Variants in LHPP observed in about 807,000 individuals in gnomAD.
The protein encoded by LHPP is hLHPP.
In LHPP, 24 loss-of-function variants were observed where a neutral mutation model predicts 30.3. The observed-to-expected ratio is 0.79, with a 90% CI of 0.57 to 1.11. LHPP has a LOEUF of 1.11. LHPP is among the 50% of genes most tolerant of loss of function. LHPP has a pLI of 0.00. For missense variants in LHPP, 356 were observed against 367.2 expected, an observed-to-expected ratio of 0.97 and a Z score of 0.25; for synonymous variants, 150 against 157.1, an observed-to-expected ratio of 0.95 and a Z score of 0.34.
In LHPP at chr10:124,612,266, C is replaced by T. The variant is rs187312073; in HGVS notation, c.717-998C>T. Among the ~76,000 whole-genome samples, 912 of 152,198 alleles carry T rather than the reference C, an allele frequency of 6.0e-3. 5 individuals are homozygous for T. Among genetic ancestry groups the T allele is most frequent in the Non-Finnish European group, 0.011 (719 of 67,988 alleles). Reference sequence around the variant, plus strand: ...ACTAAAAAATACAAAAAAAGCCGGGCGTGGTGGCGGGTGCCTGTAGTCCCA... The same window carrying T: ...ACTAAAAAATACAAAAAAAGCCGGGTGTGGTGGCGGGTGCCTGTAGTCCCA... On this transcript the variant is annotated intron_variant, in intron 6 of 6. Coordinates refer to ENST00000368842, the MANE Select transcript of LHPP (RefSeq NM_022126.4).
At chr10:124,582,592 AC>A (rs1948756533) in intron 6 of LHPP, among the ~76,000 whole-genome samples, 1 of 152,218 alleles carries the variant, frequency 6.6e-6, no homozygotes, top group African/African-American at 2.4e-5. Flanking sequence ...AACTACAGAT[AC>A]CCTGCTGTTG....
intron 6 of LHPP, among the ~76,000 whole-genome samples, chr10:124,610,774 TGC>T: frequency 1.8e-5 from 2 of 113,306 alleles, no homozygotes; most frequent in Non-Finnish European, 3.6e-5. Context: ...CGGGTGAGGG[TGC>T]TGATGGAGCG....
At chr10:124,580,778 G>A (rs1254454634) in intron 6 of LHPP, among the ~76,000 whole-genome samples, 2 of 149,500 alleles carry the variant, frequency 1.3e-5, no homozygotes, top group East Asian at 2.0e-4. Context: ...GAGTGCAATG[G>A]CACAATCTTG....
chr10:124,584,465 T>G (rs57330369), intron 6 of LHPP, among the ~76,000 whole-genome samples: 2 of 151,702 alleles, frequency 1.3e-5, no homozygotes, highest in Non-Finnish European at 2.9e-5. Context: ...GTCTGGTGAG[T>G]GCTACTCTGT....
chr10:124,554,847 G>A (rs1348317175), intron 6 of LHPP, among the ~76,000 whole-genome samples: 1 of 152,244 alleles, frequency 6.6e-6, no homozygotes, highest in Admixed American at 6.5e-5. Flanking sequence ...ACAGAATTAG[G>A]TTCTTTAACG....
chr10:124,598,702 C>CCCTTTT (rs1948984272), intron 6 of LHPP, among the ~76,000 whole-genome samples: 1 of 151,856 alleles, frequency 6.6e-6, no homozygotes, highest in Non-Finnish European at 1.5e-5. Flanking sequence ...CTGCCATCCA[C>CCCTTTT]GTGTCCATCT....
chr10:124,524,301 G>C (rs796269464), intron 6 of LHPP, among the ~76,000 whole-genome samples: 4 of 136,186 alleles, frequency 2.9e-5, no homozygotes, highest in African/African-American at 1.1e-4. Context: ...TTTTGAGACA[G>C]AGTCTCACTC....
In LHPP at chr10:124,613,603, C is replaced by T; in HGVS notation, c.*243C>T. The T allele has an allele frequency of 1.8e-6, 1 of 569,504 alleles. No homozygotes were observed. The highest frequency in any genetic ancestry group is 2.0e-5 in the South Asian group (1 of 49,872). The allele number at this position is 569,504 out of a possible 1,614,324, so 35.3% of individuals were successfully genotyped here. ...TTGTTCCCTACCTGGGTGGCCTGCT[C>T]CCCTGCCTGGGCCCTGACTTCAGCT... On this transcript the variant is annotated 3_prime_UTR_variant, in exon 7 of 7. Transcript: ENST00000368842.
chr10:124,606,326 C>T (rs932443474), intron 6 of LHPP, among the ~76,000 whole-genome samples: 20 of 152,350 alleles, frequency 1.3e-4, no homozygotes, highest in Non-Finnish European at 2.4e-4. Flanking sequence ...TCAGCCTTAA[C>T]GTCCCTGTTT....
chr10:124,518,491 G>A (rs956438829), intron 6 of LHPP, among the ~76,000 whole-genome samples: 6 of 152,234 alleles, frequency 3.9e-5, no homozygotes, highest in African/African-American at 9.6e-5. Flanking sequence ...TTGATGCCGG[G>A]TGCTGCCTGG....
intron 5 of LHPP, among the ~76,000 whole-genome samples, chr10:124,509,581 G>A (rs1404635248): frequency 6.6e-6 from 1 of 151,178 alleles, no homozygotes; most frequent in Non-Finnish European, 1.5e-5. Context: ...TTTTAAAGTG[G>A]TCTTTGAGTT....
chr10:124,597,923 C>T (rs578081738), intron 6 of LHPP, among the ~76,000 whole-genome samples: 14 of 152,334 alleles, frequency 9.2e-5, no homozygotes, highest in South Asian at 4.1e-4. Flanking sequence ...CAAGGCCCTA[C>T]GCCCAGGCCC....
intron 1 of LHPP, among the ~76,000 whole-genome samples, chr10:124,464,448 T>C (rs1321585891): frequency 6.6e-6 from 1 of 152,092 alleles, no homozygotes; most frequent in East Asian, 1.9e-4. Context: ...CCGGAGGTGT[T>C]TGGGAGGCTG....
intron 6 of LHPP, among the ~76,000 whole-genome samples, chr10:124,525,036 C>T (rs536904407): frequency 6.6e-6 from 1 of 152,348 alleles, no homozygotes; most frequent in South Asian, 2.1e-4. Context: ...CAGAGGCGGC[C>T]CCGCCTTGCC....
chr10:124,538,531 C>A (rs1564817700), intron 6 of LHPP, among the ~76,000 whole-genome samples: 1 of 152,202 alleles, frequency 6.6e-6, no homozygotes, highest in East Asian at 1.9e-4. Context: ...CCTCCCTCCC[C>A]CCAAGTGGTG....
At chr10:124,538,266 C>T (rs72631139) in intron 6 of LHPP, among the ~76,000 whole-genome samples, 13,577 of 152,282 alleles carry the variant, frequency 0.089, 782 homozygotes, top group South Asian at 0.25. Flanking sequence ...TCCCCACCCA[C>T]GGTCACTCTC....
At position 124,476,397 on chromosome 10, in the gene LHPP, C is replaced by T. The variant is rs552737001; in HGVS notation, c.126-7742C>T. Reference sequence around the variant, plus strand: ...GAGGCCGTGCCCTGTGCCAGGGGCCCGTGGCATCTCTGCTGTGCCCAGCCT... The same window carrying T: ...GAGGCCGTGCCCTGTGCCAGGGGCCTGTGGCATCTCTGCTGTGCCCAGCCT... On this transcript the variant is annotated intron_variant, in intron 1 of 6. Transcript: ENST00000368842. 2.6e-5 allele frequency among the ~76,000 whole-genome samples: 4 copies of T among 152,296 alleles called. No homozygotes were observed. The South Asian group carries it at 8.3e-4, about 32-fold the overall frequency.
At position 124,524,592 on chromosome 10, in the gene LHPP, A is replaced by C. The variant is rs535356213; in HGVS notation, c.716+7321A>C. On this transcript the variant is annotated intron_variant, in intron 6 of 6. Coordinates refer to ENST00000368842, the MANE Select transcript of LHPP (RefSeq NM_022126.4). Reference sequence around the variant, plus strand: ...GTGTCTGGCCTTATGTCATACTTTCATTTGAAAAATTTAGAAAAATTAAAT... The same window carrying C: ...GTGTCTGGCCTTATGTCATACTTTCCTTTGAAAAATTTAGAAAAATTAAAT... 9.2e-5 allele frequency among the ~76,000 whole-genome samples: 14 copies of C among 152,198 alleles called. No homozygotes were observed. In the South Asian group the frequency reaches 2.9e-3, roughly 32 times the overall value.
chr10:124,564,175 G>A (rs1948451009), intron 6 of LHPP, among the ~76,000 whole-genome samples: 1 of 151,518 alleles, frequency 6.6e-6, no homozygotes, highest in African/African-American at 2.4e-5. Context: ...CCAGGCTGGA[G>A]TGCAGTGGCG....
Sources: gnomAD v4.1 joint callset for allele counts (sites outside exome capture counted in the v4.1 genomes callset) on GRCh38, gnomAD v4.1.1 for gene constraint, MANE v1.5 for transcripts, NCBI Gene and HGNC (gene_info 2026-07-23, HGNC 2026-07-21) for gene names.